PAPOLG: variants seen among roughly 807,000 people sequenced by gnomAD.
PAPOLG encodes poly(A) polymerase gamma.
Under a neutral mutation model 99.0 loss-of-function variants are expected in PAPOLG, and 40 were observed. That is an observed-to-expected ratio of 0.40 (90% CI 0.31 to 0.53). PAPOLG has a LOEUF of 0.53. Among genes scored for constraint, PAPOLG ranks in the 20% least tolerant of loss-of-function variants. PAPOLG has a pLI of 0.41. For synonymous variants in PAPOLG, 310 were observed against 299.3 expected (o/e 1.04, Z -0.37); for missense variants, 675 against 884.1 (o/e 0.76, Z 3.00).
chr2:60,784,710 C>T (rs1671303939), intron 13 of PAPOLG, among the ~76,000 whole-genome samples: 1 of 152,186 alleles, frequency 6.6e-6, no homozygotes, highest in South Asian at 2.1e-4. Flanking sequence ...CAGTCTGCCA[C>T]CTATTTTTAT....
At chr2:60,782,150 A>G (rs1403702576) in intron 11 of PAPOLG, 145 bp downstream of exon 11, 7 of 906,390 alleles carry the variant, frequency 7.7e-6, no homozygotes, top group South Asian at 5.9e-5. Flanking sequence ...TTTGTTTTTT[A>G]GTAATGAGTT....
intron 13 of PAPOLG, among the ~76,000 whole-genome samples, chr2:60,784,056 C>T (rs944376611): frequency 4.6e-5 from 7 of 152,308 alleles, no homozygotes; most frequent in South Asian, 2.1e-4. Flanking sequence ...TCACTGCAAC[C>T]TCCGCCTCCC....
chr2:60,757,340 A>C (rs553705083), intron 1 of PAPOLG, among the ~76,000 whole-genome samples: 9 of 152,202 alleles, frequency 5.9e-5, no homozygotes, highest in Non-Finnish European at 1.3e-4. Context: ...TCTGGTCCCA[A>C]TCATCTCTTG....
intron 21 of PAPOLG, chr2:60,795,241 T>A (rs1558723666): frequency 1.5e-6 from 1 of 647,660 alleles, no homozygotes; most frequent in African/African-American, 1.8e-5. Flanking sequence ...TTAAGACAAC[T>A]TTATTATCTA....
rs1671727078 is a variant in PAPOLG at position 60,796,965 on chromosome 2, G to C, written c.2113-97G>C. On this transcript the variant is annotated intron_variant, in intron 21 of 21. Coordinates refer to ENST00000238714, the MANE Select transcript of PAPOLG (RefSeq NM_022894.4). The stretch of plus-strand genomic sequence containing the variant: ...TGTTTAGGAGCTAGAGGGTTTGGGA[G>C]AAAAACTCCCCAAGTTTTGTGACTG... The C allele has an allele frequency of 4.7e-6, 7 of 1,502,612 alleles. No individual in the cohort carries two copies. The East Asian group carries it at 1.4e-4, about 31-fold the overall frequency. The allele number at this position is 1,502,612 out of a possible 1,614,324, so 93.1% of individuals were successfully genotyped here. A position where few individuals can be genotyped will look rare whatever the true frequency, so the allele number is the denominator to read the frequency against.
chr2:60,772,253 A>G (rs539141186), intron 7 of PAPOLG, among the ~76,000 whole-genome samples: 2 of 152,216 alleles, frequency 1.3e-5, no homozygotes, highest in South Asian at 2.1e-4. Flanking sequence ...CAGACCAGCT[A>G]GGATAACATG....
intron 3 of PAPOLG, among the ~76,000 whole-genome samples, chr2:60,764,994 A>C (rs1670630723): frequency 6.6e-6 from 1 of 152,198 alleles, no homozygotes; most frequent in Non-Finnish European, 1.5e-5. Context: ...GTAGTCAAAA[A>C]AAATAAAGTT....
At chr2:60,780,383 C>T (rs947614663) in intron 9 of PAPOLG, among the ~76,000 whole-genome samples, 1 of 151,654 alleles carries the variant, frequency 6.6e-6, no homozygotes, top group African/African-American at 2.4e-5. Flanking sequence ...TCAAGTGATC[C>T]TCTCACCTCA....
At chr2:60,790,020 G>T (rs1193019193) in intron 15 of PAPOLG, among the ~76,000 whole-genome samples, 1 of 152,190 alleles carries the variant, frequency 6.6e-6, no homozygotes, top group African/African-American at 2.4e-5. Flanking sequence ...CTTGAACCTG[G>T]GAGGCGGAGG....
At chr2:60,786,763 C>T (rs1312692516) in intron 13 of PAPOLG, 184 bp from the exon 14 acceptor site, 1 of 218,652 alleles carries the variant, frequency 4.6e-6, no homozygotes, top group Non-Finnish European at 7.8e-6. Context: ...CTCCTGACCT[C>T]AGGCGATTCA....
chr2:60,794,450 G>C lies in PAPOLG; in HGVS notation c.1989+259G>C, dbSNP rs879326684. The C allele has an allele frequency of 8.8e-5, 50 of 571,206 alleles. No homozygotes were observed. In the Admixed American group the frequency reaches 1.5e-3, roughly 17 times the overall value. 35.4% of individuals were successfully genotyped at this position (571,206 alleles called of 1,614,324 possible). On this transcript the variant is annotated intron_variant, in intron 19 of 21. Transcript: ENST00000238714. ...AACAAAATCTCATTTCTTGTGTGTT[G>C]ATATGCCCTGCTTCCAGTAGGTGGT... is the stretch of plus-strand genomic sequence containing the variant.
In PAPOLG at chr2:60,795,002, T is replaced by C. The variant is rs775689692; in HGVS notation, c.2094T>C (p.Ile698=). Residue 698 remains isoleucine, a synonymous_variant, in exon 21 of 22, where the codon ATT becomes ATC. Coordinates refer to ENST00000238714, the MANE Select transcript of PAPOLG (RefSeq NM_022894.4). ...GAGAATCTATGCCTATTCCAACTAT[T>C]GATACATCACGCAAAAAGGTAACAA... is the stretch of plus-strand genomic sequence containing the variant. ...IGGESMPIPT[I]DTSRKKRLPS... 1 of 1,613,100 alleles carries C rather than the reference T, an allele frequency of 6.2e-7. No homozygotes were observed. Among genetic ancestry groups the C allele is most frequent in the Non-Finnish European group, 8.5e-7 (1 of 1,179,310 alleles).
At position 60,768,761 on chromosome 2, in the gene PAPOLG, A is replaced by G. The variant is rs199570049; in HGVS notation, c.329-20A>G. On this transcript the variant is annotated intron_variant, in intron 4 of 21. Transcript: ENST00000238714. ...ATAACACATAATATATTCTTAATTA[A>G]GAACTACTTTAATTTACAGGAGCTG... The G allele has an allele frequency of 1.6e-4, 241 of 1,517,636 alleles. No individual in the cohort carries two copies. The highest frequency in any genetic ancestry group is 1.4e-4 in the Non-Finnish European group (154 of 1,121,768). The allele number at this position is 1,517,636 out of a possible 1,614,324, so 94.0% of individuals were successfully genotyped here.
chr2:60,771,708 A>C (rs1262004702), intron 7 of PAPOLG, 78 bp downstream of exon 7: 2 of 1,481,404 alleles, frequency 1.4e-6, no homozygotes, highest in East Asian at 2.4e-5. Flanking sequence ...TGAATTGACT[A>C]TTCAGTTTTG....
intron 7 of PAPOLG, among the ~76,000 whole-genome samples, chr2:60,772,549 G>T (rs959190791): frequency 6.6e-6 from 1 of 151,784 alleles, no homozygotes; most frequent in South Asian, 2.1e-4. Flanking sequence ...AGGAGTTTGA[G>T]ACCAGCCTGG....
chr2:60,777,327 G>A (rs953604593), intron 8 of PAPOLG, among the ~76,000 whole-genome samples: 1 of 152,042 alleles, frequency 6.6e-6, no homozygotes, highest in Non-Finnish European at 1.5e-5. Context: ...GTGGTGGCAC[G>A]TGCCTGTAAT....
Position 60,756,511 on chromosome 2 carries a change from C to T in PAPOLG, c.17+16C>T. ...AGATGTCTGCGTAAGTGGTGGGGGG[C>T]GGCGGTTGGGGTGAGGCGGGTAGGG... On this transcript the variant is annotated intron_variant, in intron 1 of 21. Coordinates refer to ENST00000238714, the MANE Select transcript of PAPOLG (RefSeq NM_022894.4). 8.7e-7 allele frequency: 1 copy of T among 1,150,416 alleles called. No individual in the cohort carries two copies. 71.3% of individuals were successfully genotyped at this position (1,150,416 alleles called of 1,614,324 possible).
chr2:60,761,464 T>C (rs967232978), intron 2 of PAPOLG, among the ~76,000 whole-genome samples: 1 of 152,204 alleles, frequency 6.6e-6, no homozygotes, highest in African/African-American at 2.4e-5. Flanking sequence ...TACAGCCTCA[T>C]TGAAGGCAAT....
intron 7 of PAPOLG, among the ~76,000 whole-genome samples, chr2:60,773,962 A>C (rs971325704): frequency 1.3e-4 from 20 of 152,264 alleles, no homozygotes; most frequent in African/African-American, 4.8e-4. Context: ...GTTCCTTGAA[A>C]AAAGCAGGTA....
Sources: gnomAD v4.1 joint callset for allele counts (sites outside exome capture counted in the v4.1 genomes callset) on GRCh38, gnomAD v4.1.1 for gene constraint, MANE v1.5 for transcripts, NCBI Gene and HGNC (gene_info 2026-07-23, HGNC 2026-07-21) for gene names.